CHRM3: variants seen among roughly 807,000 people sequenced by gnomAD.
The protein encoded by CHRM3 is muscarinic acetylcholine receptor M3.
CHRM3 carries 11 observed loss-of-function variants against 41.8 expected under a neutral mutation model. The ratio of observed to expected loss-of-function variants is 0.26; its 90% confidence interval spans 0.17 to 0.44. CHRM3 has a LOEUF of 0.44. Ranked by LOEUF, CHRM3 falls within the 20% of genes least tolerant of loss-of-function variation. The pLI, the probability that CHRM3 is intolerant of heterozygous loss-of-function variation, is 1.00. For synonymous variants in CHRM3, 297 were observed against 301.4 expected, an observed-to-expected ratio of 0.99 and a Z score of 0.15; for missense variants, 571 against 745.4, an observed-to-expected ratio of 0.77 and a Z score of 2.72.
intron 5 of CHRM3, among the ~76,000 whole-genome samples, chr1:239,794,552 C>T (rs1290043675): frequency 3.8e-4 from 58 of 152,078 alleles, no homozygotes; most frequent in Admixed American, 3.8e-3. Context: ...ATGCGTCCTG[C>T]ATTTTGTTTT....
At chr1:239,530,310 G>T (rs1670314419) in intron 2 of CHRM3, among the ~76,000 whole-genome samples, 1 of 152,032 alleles carries the variant, frequency 6.6e-6, no homozygotes, top group Non-Finnish European at 1.5e-5. Flanking sequence ...CTCAAATTCA[G>T]CTTTCTATCC....
chr1:239,706,463 G>A (rs983307157), intron 5 of CHRM3: 3 of 152,098 alleles, frequency 2.0e-5, no homozygotes, highest in Non-Finnish European at 4.4e-5. Context: ...TGGATTGGCT[G>A]TCTCCATTTC....
At chr1:239,519,803 A>G (rs188382662) in intron 2 of CHRM3, among the ~76,000 whole-genome samples, 1,733 of 123,632 alleles carry the variant, frequency 0.014, 28 homozygotes, top group Middle Eastern at 0.053. Flanking sequence ...GCTAGAGTGC[A>G]GTGGCACGAT....
chr1:239,574,604 C>A (rs1392188964), intron 3 of CHRM3, among the ~76,000 whole-genome samples: 6 of 152,078 alleles, frequency 3.9e-5, no homozygotes, highest in African/African-American at 1.4e-4. Context: ...TCAAATTATT[C>A]TTTTTTGCCT....
chr1:239,655,032 G>GT (rs1672592147), intron 4 of CHRM3, among the ~76,000 whole-genome samples: 1 of 152,164 alleles, frequency 6.6e-6, no homozygotes, highest in Non-Finnish European at 1.5e-5. Context: ...CTTTAGATAT[G>GT]TTTTTTATTA....
At chr1:239,803,868 T>A (rs1670408180) in intron 5 of CHRM3, among the ~76,000 whole-genome samples, 1 of 152,210 alleles carries the variant, frequency 6.6e-6, no homozygotes. Flanking sequence ...CTATTGGAGA[T>A]CCCGGTAACT....
At chr1:239,808,217 T>C (rs993470876) in intron 5 of CHRM3, among the ~76,000 whole-genome samples, 10 of 152,142 alleles carry the variant, frequency 6.6e-5, no homozygotes, top group African/African-American at 2.4e-4. Flanking sequence ...CTGTGACAAG[T>C]CGTAGCTGAA....
At chr1:239,605,358 A>G (rs1444255361) in intron 3 of CHRM3, among the ~76,000 whole-genome samples, 3 of 152,212 alleles carry the variant, frequency 2.0e-5, no homozygotes, top group Admixed American at 2.0e-4. Flanking sequence ...GTACAGTAAC[A>G]TACTGTACAG....
chr1:239,490,765 G>A (rs1163788085), intron 1 of CHRM3, among the ~76,000 whole-genome samples: 4 of 151,854 alleles, frequency 2.6e-5, no homozygotes, highest in Admixed American at 2.6e-4. Flanking sequence ...ATATTTATTT[G>A]AGACAGGGTC....
chr1:239,631,046 C>T (rs560256562), intron 3 of CHRM3, among the ~76,000 whole-genome samples: 27 of 151,950 alleles, frequency 1.8e-4, no homozygotes, highest in African/African-American at 6.0e-4. Context: ...GAGAGGGAGG[C>T]GCTAAAGAGA....
chr1:239,453,261 A>T (rs999549120), intron 1 of CHRM3, among the ~76,000 whole-genome samples: 1 of 152,252 alleles, frequency 6.6e-6, no homozygotes, highest in Admixed American at 6.5e-5. Context: ...CAAAAGAAAG[A>T]GTAAAACTTT....
intron 5 of CHRM3, among the ~76,000 whole-genome samples, chr1:239,817,911 G>C (rs926969503): frequency 2.0e-5 from 3 of 152,136 alleles, no homozygotes; most frequent in Non-Finnish European, 4.4e-5. Flanking sequence ...TCCTGAGCCT[G>C]TTTCTACATC....
At chr1:239,533,624 A>G (rs1322695181) in intron 2 of CHRM3, among the ~76,000 whole-genome samples, 1 of 149,338 alleles carries the variant, frequency 6.7e-6, no homozygotes, top group Non-Finnish European at 1.5e-5. Flanking sequence ...CCACCTACTC[A>G]GGAGGCTGAG....
intron 6 of CHRM3, among the ~76,000 whole-genome samples, chr1:239,864,903 A>C (rs1675957822): frequency 6.6e-6 from 1 of 152,216 alleles, no homozygotes; most frequent in Non-Finnish European, 1.5e-5. Flanking sequence ...ATGCTGTCAC[A>C]TGAGGCTGCT....
chr1:239,448,292 G>A (rs1664298770), intron 1 of CHRM3, among the ~76,000 whole-genome samples: 1 of 152,164 alleles, frequency 6.6e-6, no homozygotes, highest in Non-Finnish European at 1.5e-5. Flanking sequence ...TGTAGGTTCT[G>A]TAAGGGAGAT....
At chr1:239,701,046 AC>A (rs1297570994) in intron 5 of CHRM3, among the ~76,000 whole-genome samples, 1 of 152,182 alleles carries the variant, frequency 6.6e-6, no homozygotes, top group Non-Finnish European at 1.5e-5. Flanking sequence ...TCTACCCTTT[AC>A]TTTTATTTAC....
chr1:239,736,623 A>G (rs1223855191), intron 5 of CHRM3, among the ~76,000 whole-genome samples: 3 of 152,130 alleles, frequency 2.0e-5, no homozygotes, highest in South Asian at 4.1e-4. Context: ...TTTATAGCCT[A>G]CGTTTGAAAC....
At chr1:239,539,837 A>G (rs1658582495) in intron 2 of CHRM3, among the ~76,000 whole-genome samples, 1 of 152,062 alleles carries the variant, frequency 6.6e-6, no homozygotes, top group African/African-American at 2.4e-5. Context: ...AGCAGGTCTC[A>G]AATTCCTGGA....
At chr1:239,665,782 G>A (rs1187663314) in intron 4 of CHRM3, among the ~76,000 whole-genome samples, 10 of 152,026 alleles carry the variant, frequency 6.6e-5, no homozygotes, top group Non-Finnish European at 1.3e-4. Flanking sequence ...TTCGTTTTCT[G>A]TTCTGTTAGT....
Sources: allele counts gnomAD v4.1 joint callset (sites outside exome capture counted in the v4.1 genomes callset), GRCh38; gene constraint gnomAD v4.1.1; transcripts MANE v1.5; gene names NCBI Gene and HGNC (gene_info 2026-07-23, HGNC 2026-07-21).